The following GPX6 variants were observed in gnomAD, a reference collection of about 807,000 sequenced individuals.
The protein encoded by GPX6 is glutathione peroxidase 6 (olfactory).
GPX6 carries 21 observed loss-of-function variants against 20.0 expected under a neutral mutation model. The observed-to-expected ratio is 1.05, with a 90% CI of 0.74 to 1.51. The LOEUF is 1.51. GPX6 is among the 40% of genes most tolerant of loss of function. The pLI, the probability that GPX6 is intolerant of heterozygous loss-of-function variation, is 0.00. For missense variants in GPX6, 233 were observed against 254.7 expected (o/e 0.91, Z 0.58); for synonymous variants, 75 against 98.0 (o/e 0.77, Z 1.38).
intron 2 of GPX6, among the ~76,000 whole-genome samples, chr6:28,506,744 G>C (rs542664043): frequency 1.4e-5 from 2 of 144,572 alleles, no homozygotes; most frequent in African/African-American, 5.3e-5. Flanking sequence ...CACGTTGGTA[G>C]CCTTGTGTGG....
intron 2 of GPX6, among the ~76,000 whole-genome samples, chr6:28,507,451 C>A (rs999600336): frequency 6.6e-6 from 1 of 152,216 alleles, no homozygotes; most frequent in East Asian, 1.9e-4. Flanking sequence ...ATTTTCTCAT[C>A]TGGAGTAAAA....
At position 28,505,714 on chromosome 6, in the gene GPX6, T is replaced by G. The variant is rs1489372929; in HGVS notation, c.448A>C (p.Thr150Pro). The G allele has an allele frequency of 6.2e-7, 1 of 1,613,116 alleles. No individual in the cohort carries two copies. Among genetic ancestry groups the G allele is most frequent in the Non-Finnish European group, 8.5e-7 (1 of 1,179,198 alleles). Residue 150 changes from threonine (T) to proline (P), a missense_variant, in exon 4 of 5, where the codon ACT becomes CCT. By Grantham distance (38) the Thr-to-Pro change is conservative (BLOSUM62 -1). Transcript: ENST00000361902. ...VNGEKEQKVFTFLKNSCPPTS... is the reference protein window; with the variant it reads ...VNGEKEQKVFPFLKNSCPPTS... Reference sequence around the variant, plus strand: ...TTATACTCATGCACCTTCAGGAAAGTAAAGACCTTCTGTTCTTTTTCTCCA... The same window carrying G: ...TTATACTCATGCACCTTCAGGAAAGGAAAGACCTTCTGTTCTTTTTCTCCA...
intron 1 of GPX6, among the ~76,000 whole-genome samples, chr6:28,513,763 G>A (rs1460737933): frequency 6.6e-6 from 1 of 152,188 alleles, no homozygotes; most frequent in Non-Finnish European, 1.5e-5. Flanking sequence ...TTTAAACTGG[G>A]CTTCACAGGA....
intron 1 of GPX6, among the ~76,000 whole-genome samples, chr6:28,512,362 G>C (rs946440362): frequency 5.9e-5 from 9 of 152,238 alleles, no homozygotes; most frequent in Admixed American, 5.9e-4. Context: ...TCAGCACCCT[G>C]TGTCTAGCTC....
chr6:28,505,098 A>G (rs912772117), intron 4 of GPX6, among the ~76,000 whole-genome samples: 18 of 152,258 alleles, frequency 1.2e-4, no homozygotes, highest in Non-Finnish European at 2.2e-4. Flanking sequence ...GGCAATTTAT[A>G]TGGGTAAACG....
chr6:28,514,736 G>T (rs908473221), intron 1 of GPX6, among the ~76,000 whole-genome samples: 6 of 152,314 alleles, frequency 3.9e-5, no homozygotes, highest in Admixed American at 3.9e-4. Flanking sequence ...TCTTAGGTAA[G>T]CTCAAGTCTG....
chr6:28,504,458 C>T lies in GPX6; in HGVS notation c.500G>A (p.Ser167Asn). Residue 167 changes from serine to asparagine, a missense_variant, in exon 5 of 5, where the codon AGC (serine) becomes AAC (asparagine). By Grantham distance (46) the Ser-to-Asn change is conservative (BLOSUM62 1). Coordinates refer to ENST00000361902, the MANE Select transcript of GPX6 (RefSeq NM_182701.1). ...CTTCATGGGCTCCCAGAAGAGTTGGCTTGATGAGCCCAAAAGATCAGAGGT... is the reference window on the plus strand; with the variant it reads ...CTTCATGGGCTCCCAGAAGAGTTGGTTTGATGAGCCCAAAAGATCAGAGGT... ...PPTSDLLGSS[S>N]QLFWEPMKVH... 6.2e-7 allele frequency: 1 copy of T among 1,614,048 alleles called. No homozygotes were observed. Among genetic ancestry groups the T allele is most frequent in the Non-Finnish European group, 8.5e-7 (1 of 1,180,026 alleles).
rs1762859326 is a variant in GPX6, at chr6:28,510,877, TG to T, written c.114del (p.Thr39ProfsTer44). On this transcript the variant is annotated frameshift_variant, in exon 2 of 5. Coordinates refer to ENST00000361902, the MANE Select transcript of GPX6 (RefSeq NM_182701.1). LOFTEE classifies it high-confidence loss of function. ...RKVDCNKGVT[G>X]TIYEYGALTL... is the part of the protein sequence containing the mutation. ...GTGAGGGCTCCATACTCATAGATGG[TG>T]CCTGTTACCCCTTTGTTGCAATCCA... is the stretch of plus-strand genomic sequence containing the variant. The T allele has an allele frequency of 1.9e-6, 3 of 1,612,650 alleles. No homozygotes were observed. The highest frequency in any genetic ancestry group is 2.7e-5 in the African/African-American group (2 of 75,002).
At position 28,504,390 on chromosome 6, in the gene GPX6, G is replaced by A. The variant is rs1762785911; in HGVS notation, c.568C>T (p.Pro190Ser). The change falls in exon 5 of 5, where the codon CCC becomes TCC. Residue 190 changes from proline to serine, a missense_variant. Physicochemically the swap from Pro to Ser is moderately conservative, Grantham distance 74. Transcript: ENST00000361902. ...RWNFEKFLVG[P>S]DGVPVMHWFH... ...CAATGCATGACAGGGACTCCATCGG[G>A]CCCCACCAGAAATTTCTCAAAGTTC... is the stretch of plus-strand genomic sequence containing the variant. 4 of 1,614,098 alleles carry A rather than the reference G, an allele frequency of 2.5e-6. No individual in the cohort carries two copies. The highest frequency in any genetic ancestry group is 3.4e-6 in the Non-Finnish European group (4 of 1,180,020).
intron 2 of GPX6, among the ~76,000 whole-genome samples, chr6:28,510,137 A>C (rs1762846997): frequency 6.6e-6 from 1 of 152,266 alleles, no homozygotes; most frequent in Admixed American, 6.5e-5. Flanking sequence ...ATCAAGGCAA[A>C]AACAAGGCCA....
Position 28,506,429 on chromosome 6 carries a change from T to A in GPX6, c.242A>T (p.Glu81Val), listed in dbSNP as rs1272232320. Residue 81 changes from glutamate to valine, a missense_variant and splice_region_variant, in exon 3 of 5, where the codon GAA becomes GTA. Coordinates refer to ENST00000361902, the MANE Select transcript of GPX6 (RefSeq NM_182701.1). ...AYUGLAAQYP[E>V]LNALQEELKN... Reference sequence around the variant, plus strand: ...CAGCTCCTCCTGTAGTGCATTCAGTTCTGTAAGTGGACAATGAATAGCAGG... The same window carrying A: ...CAGCTCCTCCTGTAGTGCATTCAGTACTGTAAGTGGACAATGAATAGCAGG... 9 of 1,590,368 alleles carry A rather than the reference T, an allele frequency of 5.7e-6. No homozygotes were observed. The highest frequency in any genetic ancestry group is 7.8e-6 in the Non-Finnish European group (9 of 1,158,310).
chr6:28,514,915 T>G lies in GPX6; in HGVS notation c.87+742A>C, dbSNP rs34077080. On this transcript the variant is annotated intron_variant, in intron 1 of 4. Coordinates refer to ENST00000361902, the MANE Select transcript of GPX6 (RefSeq NM_182701.1). ...CGGGTGCCTCAGGTGATCTGCTCAGTCCGCATCCTAAGACATATATACACA... is the reference window on the plus strand; with the variant it reads ...CGGGTGCCTCAGGTGATCTGCTCAGGCCGCATCCTAAGACATATATACACA... 1.8e-3 allele frequency among the ~76,000 whole-genome samples: 274 copies of G among 152,302 alleles called. 6 individuals are homozygous for G. The East Asian group carries it at 0.051, about 28-fold the overall frequency.
intron 3 of GPX6, 110 bp downstream of exon 3, chr6:28,506,202 C>G: frequency 1.4e-6 from 1 of 739,162 alleles, no homozygotes; most frequent in South Asian, 1.5e-5. Flanking sequence ...ATGCTTCAAC[C>G]CATGTATCTA....
At position 28,506,706 on chromosome 6, in the gene GPX6, AACACACACACACAC is replaced by A. The variant is rs56155284; in HGVS notation, c.242-291_242-278del. Among the ~76,000 whole-genome samples the A allele has an allele frequency of 4.1e-5, 6 of 145,176 alleles. No homozygotes were observed. In the South Asian group the frequency reaches 1.1e-3, roughly 27 times the overall value. On this transcript the variant is annotated intron_variant, in intron 2 of 4. Transcript: ENST00000361902. ...ATGAGAACTCTTATTTTTTTTTTTA[AACACACACACACAC>A]ACACACACACACACACGTTGGTAGC...
chr6:28,511,004 C>G, intron 1 of GPX6, 100 bp from the exon 2 acceptor site: 1 of 1,027,218 alleles, frequency 9.7e-7, no homozygotes, highest in Non-Finnish European at 1.4e-6. Context: ...CATGTAATAT[C>G]TTGAAATTCT....
At chr6:28,511,063 C>A (rs942412461) in intron 1 of GPX6, 159 bp from the exon 2 acceptor site, 17 of 567,640 alleles carry the variant, frequency 3.0e-5, no homozygotes, top group African/African-American at 2.7e-4. Context: ...AGAGCTGATG[C>A]CATAGCTAGA....
At chr6:28,505,641 A>G in intron 4 of GPX6, 62 bp downstream of exon 4, 1 of 1,298,944 alleles carries the variant, frequency 7.7e-7, no homozygotes, top group Non-Finnish European at 1.1e-6. Context: ...CCTAGACATG[A>G]GCCCCACTGC....
At chr6:28,510,983 C>T (rs910922306) in intron 1 of GPX6, 79 bp from the exon 2 acceptor site, 142 of 1,262,988 alleles carry the variant, frequency 1.1e-4, no homozygotes, top group Non-Finnish European at 2.5e-5. Context: ...TCAAAACACT[C>T]GAAGACCCTT....
intron 2 of GPX6, 96 bp downstream of exon 2, chr6:28,510,655 C>T (rs942463307): frequency 3.2e-6 from 4 of 1,235,256 alleles, no homozygotes; most frequent in Non-Finnish European, 2.3e-6. Context: ...GTTCTCCCAT[C>T]GCATCCTCCA....
Sources: allele counts gnomAD v4.1 joint callset (sites outside exome capture counted in the v4.1 genomes callset), GRCh38; gene constraint gnomAD v4.1.1; transcripts MANE v1.5; gene names NCBI Gene and HGNC (gene_info 2026-07-23, HGNC 2026-07-21).